The following MGAT4C variants were observed in gnomAD, a reference collection of about 807,000 sequenced individuals.
The protein encoded by MGAT4C is alpha-1,3-mannosyl-glycoprotein 4-beta-N-acetylglucosaminyltransferase C.
MGAT4C carries 19 observed loss-of-function variants against 40.1 expected under a neutral mutation model. The ratio of observed to expected loss-of-function variants is 0.47; its 90% CI spans 0.33 to 0.70. MGAT4C has a LOEUF of 0.70. MGAT4C is among the 30% of genes least tolerant of loss of function. MGAT4C has a pLI of 0.02. For synonymous variants in MGAT4C, 181 were observed against 187.1 expected (o/e 0.97, Z 0.27); for missense variants, 491 against 563.2 (o/e 0.87, Z 1.30).
chr12:86,780,553 A>G (rs1246659181), intron 1 of MGAT4C, among the ~76,000 whole-genome samples: 1 of 152,104 alleles, frequency 6.6e-6, no homozygotes, highest in Non-Finnish European at 1.5e-5. Context: ...CTCCTGCTCC[A>G]CCATCGTAAG....
At chr12:86,788,104 T>C (rs890658202) in intron 1 of MGAT4C, among the ~76,000 whole-genome samples, 1 of 151,504 alleles carries the variant, frequency 6.6e-6, no homozygotes, top group Admixed American at 6.6e-5. Flanking sequence ...TACTTATATA[T>C]ATATTTTAAA....
At chr12:86,630,552 C>T (rs1303905798) in intron 2 of MGAT4C, among the ~76,000 whole-genome samples, 1 of 152,088 alleles carries the variant, frequency 6.6e-6, no homozygotes, top group Non-Finnish European at 1.5e-5. Flanking sequence ...AGCTTATCCA[C>T]CAAGATCAAG....
At chr12:86,585,924 A>G (rs1565866441) in intron 2 of MGAT4C, among the ~76,000 whole-genome samples, 1 of 150,612 alleles carries the variant, frequency 6.6e-6, no homozygotes, top group Non-Finnish European at 1.5e-5. Context: ...CAACACTACA[A>G]GGTAGGCACT....
chr12:86,490,342 G>C (rs1488778353), intron 2 of MGAT4C, among the ~76,000 whole-genome samples: 1 of 151,920 alleles, frequency 6.6e-6, no homozygotes, highest in Non-Finnish European at 1.5e-5. Flanking sequence ...AAGTGAAGGA[G>C]AAATAAAATA....
intron 1 of MGAT4C, among the ~76,000 whole-genome samples, chr12:86,229,016 T>C (rs917428379): frequency 5.9e-5 from 9 of 151,874 alleles, no homozygotes; most frequent in African/African-American, 2.2e-4. Flanking sequence ...AATAATTAGT[T>C]TGATGCTTTT....
upstream of MGAT4C, among the ~76,000 whole-genome samples, chr12:86,259,536 G>A (rs1186908628): frequency 1.3e-5 from 2 of 151,590 alleles, no homozygotes; most frequent in East Asian, 2.0e-4. Flanking sequence ...ATATACACAT[G>A]TGGAAAAGTA....
At chr12:86,039,571 C>CA (rs1891598992) in intron 2 of MGAT4C, among the ~76,000 whole-genome samples, 1 of 152,138 alleles carries the variant, frequency 6.6e-6, no homozygotes, top group Admixed American at 6.6e-5. Context: ...TCAGCTCCAT[C>CA]AGGTCTTTTA....
chr12:86,275,944 C>CAAAAAAAAA (rs748476574), intron 4 of MGAT4C, among the ~76,000 whole-genome samples: 6 of 69,190 alleles, frequency 8.7e-5, no homozygotes, highest in South Asian at 7.1e-4. Context: ...ACTAAAAATC[C>CAAAAAAAAA]AAAAAAAAAA....
intron 2 of MGAT4C, among the ~76,000 whole-genome samples, chr12:86,541,380 A>G (rs1412409513): frequency 6.6e-6 from 1 of 152,232 alleles, no homozygotes; most frequent in Non-Finnish European, 1.5e-5. Flanking sequence ...TTGAAAATCT[A>G]TCAATGACTG....
At chr12:86,573,101 G>A (rs184119863) in intron 2 of MGAT4C, among the ~76,000 whole-genome samples, 99 of 151,786 alleles carry the variant, frequency 6.5e-4, no homozygotes, top group African/African-American at 2.3e-3. Context: ...CTGTTACTTC[G>A]ACACCTGTTT....
chr12:86,604,941 G>A (rs1961993205), intron 2 of MGAT4C, among the ~76,000 whole-genome samples: 1 of 152,078 alleles, frequency 6.6e-6, no homozygotes, highest in South Asian at 2.1e-4. Context: ...CTAGCTGACT[G>A]GGGCAGAAGA....
intron 4 of MGAT4C, among the ~76,000 whole-genome samples, chr12:86,295,922 C>A (rs1180710864): frequency 6.7e-6 from 1 of 148,362 alleles, no homozygotes; most frequent in Non-Finnish European, 1.5e-5. Context: ...GTTTACAATC[C>A]CTGAGCTAGA....
chr12:86,089,400 A>C (rs2135564366), intron 1 of MGAT4C, among the ~76,000 whole-genome samples: 1 of 152,018 alleles, frequency 6.6e-6, no homozygotes, highest in South Asian at 2.1e-4. Flanking sequence ...CTGTTCTATA[A>C]ACATAGTACA....
At chr12:86,345,998 T>C (rs1054484274) in intron 3 of MGAT4C, among the ~76,000 whole-genome samples, 2 of 152,196 alleles carry the variant, frequency 1.3e-5, no homozygotes, top group African/African-American at 4.8e-5. Flanking sequence ...ATTTCTCTGA[T>C]GGCCAGTGAT....
chr12:86,326,050 T>A (rs1160320271), intron 4 of MGAT4C, among the ~76,000 whole-genome samples: 1 of 152,158 alleles, frequency 6.6e-6, no homozygotes, highest in Admixed American at 6.6e-5. Context: ...CAAATTATAT[T>A]ACTGATCTGA....
chr12:86,770,655 A>G (rs1022686191), intron 1 of MGAT4C, among the ~76,000 whole-genome samples: 2 of 152,136 alleles, frequency 1.3e-5, no homozygotes, highest in African/African-American at 4.8e-5. Flanking sequence ...TCAGGAATAT[A>G]TGTTAAACAC....
At chr12:86,813,984 C>T (rs1952531300) in intron 1 of MGAT4C, among the ~76,000 whole-genome samples, 1 of 151,654 alleles carries the variant, frequency 6.6e-6, no homozygotes, top group Admixed American at 6.6e-5. Flanking sequence ...GATATTGGCT[C>T]ACTGCAACCT....
At chr12:86,083,175 A>G (rs755453146) in intron 1 of MGAT4C, among the ~76,000 whole-genome samples, 8 of 152,022 alleles carry the variant, frequency 5.3e-5, no homozygotes, top group African/African-American at 9.7e-5. Flanking sequence ...GGCCAATTTT[A>G]ACTCTTTTAC....
At chr12:86,495,051 A>C (rs1394636695) in intron 2 of MGAT4C, among the ~76,000 whole-genome samples, 1 of 152,088 alleles carries the variant, frequency 6.6e-6, no homozygotes, top group Non-Finnish European at 1.5e-5. Flanking sequence ...ATGATCTAGC[A>C]ATTCCACTTC....
Sources: allele counts gnomAD v4.1 joint callset (sites outside exome capture counted in the v4.1 genomes callset), GRCh38; gene constraint gnomAD v4.1.1; transcripts MANE v1.5; gene names NCBI Gene and HGNC (gene_info 2026-07-23, HGNC 2026-07-21).